The following NCR1 variants were observed in gnomAD, a reference collection of about 807,000 sequenced individuals.
NCR1 encodes the protein NK cell-activating receptor.
NCR1 carries 30 observed loss-of-function variants against 32.5 expected under a neutral mutation model. The ratio of observed to expected loss-of-function variants is 0.92; its 90% CI spans 0.69 to 1.25. The LOEUF (loss-of-function observed/expected upper bound fraction) is 1.25, where lower values mean the gene tolerates loss of function less well. Among genes scored for constraint, NCR1 ranks in the 50% most tolerant of loss-of-function variants. NCR1 has a pLI of 0.00. For missense variants in NCR1, 369 were observed against 380.7 expected (o/e 0.97, Z 0.26); for synonymous variants, 169 against 143.4 (o/e 1.18, Z -1.28).
upstream of NCR1, among the ~76,000 whole-genome samples, chr19:54,902,253 A>G (rs2067313465): frequency 6.6e-6 from 1 of 152,080 alleles, no homozygotes; most frequent in Non-Finnish European, 1.5e-5. Context: ...TGATGAAGCA[A>G]ATGTGGTAAA....
intron 6 of NCR1, 132 bp from the exon 7 acceptor site, chr19:54,912,558 C>T (rs1044436500): frequency 2.5e-5 from 18 of 727,746 alleles, no homozygotes; most frequent in Non-Finnish European, 3.7e-5. Flanking sequence ...GAGATCGTGC[C>T]ATTGCACTCC....
chr19:54,903,891 G>T (rs926681246), upstream of NCR1, among the ~76,000 whole-genome samples: 6 of 151,410 alleles, frequency 4.0e-5, no homozygotes, highest in African/African-American at 1.2e-4. Flanking sequence ...TTGAGAGGCC[G>T]AGGCAGGAAG....
upstream of NCR1, among the ~76,000 whole-genome samples, chr19:54,901,360 CAA>C (rs80189325): frequency 3.1e-4 from 28 of 91,184 alleles, no homozygotes; most frequent in Admixed American, 8.9e-4. Flanking sequence ...GAGTCCATCT[CAA>C]AAAAAAAAAA....
chr19:54,906,078 C>T (rs964325940), upstream of NCR1: 66 of 1,366,096 alleles, frequency 4.8e-5, no homozygotes, highest in Middle Eastern at 2.2e-4. Flanking sequence ...AACGTGAAAG[C>T]GCTCTGGTGA....
rs587664379 is a variant in NCR1 at position 54,907,154 on chromosome 19, T to G, written c.355+347T>G. 3.4e-4 allele frequency among the ~76,000 whole-genome samples: 51 copies of G among 151,836 alleles called. 1 individual carries two copies. In the South Asian group the frequency reaches 0.01, roughly 30 times the overall value. On this transcript the variant is annotated intron_variant, in intron 3 of 6. Coordinates refer to ENST00000291890, the MANE Select transcript of NCR1 (RefSeq NM_004829.7). ...TCACCCATCACAGGTGGTGGGTTTTTTTTTTTTTTATCTGTTTTGAGACGG... is the reference window on the plus strand; with the variant it reads ...TCACCCATCACAGGTGGTGGGTTTTGTTTTTTTTTATCTGTTTTGAGACGG...
chr19:54,936,496 TA>T, the NCR1 span: 5 of 1,364,166 alleles, frequency 3.7e-6, no homozygotes, highest in Non-Finnish European at 5.2e-6. Flanking sequence ...GAGGCATGTA[TA>T]AACAAAAAGC....
chr19:54,921,899 AT>A, the NCR1 span, among the ~76,000 whole-genome samples: 60,679 of 145,160 alleles, frequency 0.42, 12,543 homozygotes, highest in East Asian at 0.53. Context: ...CAATGCTCTT[AT>A]TTTTTTTTTT....
At chr19:54,927,363 A>G in the NCR1 span, among the ~76,000 whole-genome samples, 1 of 149,474 alleles carries the variant, frequency 6.7e-6, no homozygotes, top group Admixed American at 6.8e-5. Flanking sequence ...CCTGGGCTAC[A>G]AGAACAAAAC....
the NCR1 span, chr19:54,927,769 C>G: frequency 1.9e-6 from 3 of 1,613,732 alleles, no homozygotes; most frequent in Admixed American, 1.7e-5. Context: ...GGGAGCAGCT[C>G]CAGAGGCTGT....
rs2068010375 is a variant in NCR1, at chr19:54,912,222, A to G, written c.733+4A>G. The G allele has an allele frequency of 6.2e-7, 1 of 1,613,548 alleles. No individual in the cohort carries two copies. The highest frequency in any genetic ancestry group is 1.7e-5 in the Admixed American group (1 of 59,970). On this transcript the variant is annotated splice_donor_region_variant and intron_variant, in intron 6 of 6. Coordinates refer to ENST00000291890, the MANE Select transcript of NCR1 (RefSeq NM_004829.7). ...ACAGAGACGGGACTCCAGAAAGGTA[A>G]GTAGACAGCTGGGGCCATAGGCTCT...
chr19:54,911,060 A>C (rs887383138), intron 5 of NCR1, among the ~76,000 whole-genome samples: 1 of 152,048 alleles, frequency 6.6e-6, no homozygotes, highest in Non-Finnish European at 1.5e-5. Context: ...GGATTACAGG[A>C]GTGAGGCCCG....
At chr19:54,906,243 G>A (rs1488672670) in intron 1 of NCR1, 22 bp downstream of exon 1, 1 of 1,614,210 alleles carries the variant, frequency 6.2e-7, no homozygotes, top group East Asian at 2.2e-5. Flanking sequence ...CGTGGAAGGG[G>A]AATGGGATCA....
chr19:54,926,207 T>G, the NCR1 span, among the ~76,000 whole-genome samples: 37 of 129,062 alleles, frequency 2.9e-4, no homozygotes, highest in Non-Finnish European at 4.4e-4. Flanking sequence ...TGATTAGGGG[T>G]GTGTGTGTGT....
chr19:54,903,125 G>A (rs1215626320), upstream of NCR1, among the ~76,000 whole-genome samples: 4 of 151,270 alleles, frequency 2.6e-5, no homozygotes, highest in Admixed American at 6.6e-5. Flanking sequence ...GTGAGATTCC[G>A]TCTTAAAGAG....
chr19:54,936,262 T>C, the NCR1 span: 2 of 1,612,764 alleles, frequency 1.2e-6, no homozygotes, highest in East Asian at 4.5e-5. Context: ...GAGACCCACC[T>C]CAGGTACTGC....
At chr19:54,930,423 C>T in the NCR1 span, 3 of 1,024,804 alleles carry the variant, frequency 2.9e-6, no homozygotes, top group South Asian at 3.9e-5. Context: ...AATCACCCCA[C>T]TGCACTCCAG....
the NCR1 span, chr19:54,930,783 T>C: frequency 7.0e-6 from 6 of 852,418 alleles, no homozygotes; most frequent in Non-Finnish European, 1.2e-5. Flanking sequence ...TGCTGCACTC[T>C]TGGCTCACTG....
At chr19:54,924,795 G>C in the NCR1 span, among the ~76,000 whole-genome samples, 1 of 152,080 alleles carries the variant, frequency 6.6e-6, no homozygotes, top group Non-Finnish European at 1.5e-5. Flanking sequence ...AATTAGCTGG[G>C]CATGGTGGCA....
chr19:54,916,295 CATCTT>C (rs577231659), downstream of NCR1, among the ~76,000 whole-genome samples: 85 of 140,506 alleles, frequency 6.0e-4, no homozygotes, highest in African/African-American at 2.2e-3. Context: ...AGAACTAACT[CATCTT>C]ATAACTGAAT....
Sources: gnomAD v4.1 joint callset for allele counts (sites outside exome capture counted in the v4.1 genomes callset) on GRCh38, gnomAD v4.1.1 for gene constraint, MANE v1.5 for transcripts, NCBI Gene and HGNC (gene_info 2026-07-23, HGNC 2026-07-21) for gene names.